ST6GAL1: variants seen among roughly 807,000 people sequenced by gnomAD.
ST6GAL1 encodes beta-galactoside alpha-2,6-sialyltransferase 1.
ST6GAL1 carries 20 observed loss-of-function variants against 38.0 expected under a neutral mutation model. The ratio of observed to expected loss-of-function variants is 0.53; its 90% confidence interval spans 0.37 to 0.77. ST6GAL1 has a LOEUF of 0.77. ST6GAL1 is among the 30% of genes least tolerant of loss of function. The pLI is 0.00. For missense variants in ST6GAL1, 432 were observed against 496.4 expected (o/e 0.87, Z 1.23); for synonymous variants, 196 against 188.2 (o/e 1.04, Z -0.34).
At chr3:186,980,493 C>CTCA (rs1432397893) in intron 2 of ST6GAL1, among the ~76,000 whole-genome samples, 1 of 151,600 alleles carries the variant, frequency 6.6e-6, no homozygotes, top group Non-Finnish European at 1.5e-5. Context: ...GGCGCGGTGG[C>CTCA]TCACGCCTGT....
chr3:187,050,146 T>C (rs1265015047), intron 4 of ST6GAL1, among the ~76,000 whole-genome samples: 1 of 152,206 alleles, frequency 6.6e-6, no homozygotes, highest in African/African-American at 2.4e-5. Context: ...TTCTAAATCA[T>C]CTTGTGTTCA....
At chr3:187,020,573 T>A (rs1717262879) in intron 2 of ST6GAL1, among the ~76,000 whole-genome samples, 1 of 152,206 alleles carries the variant, frequency 6.6e-6, no homozygotes, top group African/African-American at 2.4e-5. Context: ...CCCCTACACC[T>A]GTGTAAGGCG....
intron 1 of ST6GAL1, among the ~76,000 whole-genome samples, chr3:186,935,417 A>T (rs964029702): frequency 2.0e-4 from 30 of 151,932 alleles, no homozygotes; most frequent in African/African-American, 6.8e-4. Context: ...GCTACTGTTG[A>T]TGGGTATTTA....
chr3:187,024,382 C>T (rs1183699488), intron 2 of ST6GAL1, among the ~76,000 whole-genome samples: 1 of 150,806 alleles, frequency 6.6e-6, no homozygotes, highest in African/African-American at 2.4e-5. Context: ...CATGAGCCAC[C>T]GCGCCCAGCC....
At chr3:187,040,795 C>A (rs4234598) in intron 3 of ST6GAL1, among the ~76,000 whole-genome samples, 27,437 of 152,178 alleles carry the variant, frequency 0.18, 2,613 homozygotes, top group Admixed American at 0.28. Context: ...TATCTGAATT[C>A]TTCTTCCACT....
intron 5 of ST6GAL1, among the ~76,000 whole-genome samples, chr3:187,067,937 A>T (rs1414249150): frequency 6.6e-6 from 1 of 152,146 alleles, no homozygotes; most frequent in African/African-American, 2.4e-5. Flanking sequence ...CAAGAAGCAA[A>T]TTCTCCTGAC....
intron 2 of ST6GAL1, among the ~76,000 whole-genome samples, chr3:186,973,938 A>T (rs1715436987): frequency 6.6e-6 from 1 of 152,224 alleles, no homozygotes; most frequent in East Asian, 1.9e-4. Context: ...CTCCTGTAGC[A>T]TGTGAGCTAA....
intron 1 of ST6GAL1, among the ~76,000 whole-genome samples, chr3:186,944,444 C>T (rs1385181298): frequency 2.0e-5 from 3 of 152,098 alleles, no homozygotes; most frequent in African/African-American, 7.2e-5. Flanking sequence ...AAGATAATTC[C>T]TGGGTTAGAG....
chr3:187,050,540 G>GAGAGAGAGAGAT (rs1326320716), intron 4 of ST6GAL1, among the ~76,000 whole-genome samples: 15 of 94,752 alleles, frequency 1.6e-4, no homozygotes, highest in Non-Finnish European at 2.5e-4. Context: ...AAGAAAGAGA[G>GAGAGAGAGAGAT]AGAGAGAGAG....
At chr3:187,043,781 G>C (rs1718208651) in intron 4 of ST6GAL1, 1 of 152,570 alleles carries the variant, frequency 6.6e-6, no homozygotes. Flanking sequence ...ATTGACCTTT[G>C]AAAAGACTTG....
chr3:187,066,002 A>G (rs1326684486), intron 5 of ST6GAL1, among the ~76,000 whole-genome samples: 2 of 152,220 alleles, frequency 1.3e-5, no homozygotes, highest in East Asian at 1.9e-4. Context: ...CAGCACTTTA[A>G]ATCACCAAAG....
intron 1 of ST6GAL1, among the ~76,000 whole-genome samples, chr3:186,961,272 G>A (rs906582323): frequency 3.9e-5 from 6 of 152,154 alleles, no homozygotes; most frequent in African/African-American, 9.7e-5. Flanking sequence ...CACTGCGCCC[G>A]GCCCCATCAC....
chr3:187,057,295 C>T (rs1391126826), intron 5 of ST6GAL1, among the ~76,000 whole-genome samples: 1 of 152,168 alleles, frequency 6.6e-6, no homozygotes, highest in Non-Finnish European at 1.5e-5. Context: ...CCTTCTGAAG[C>T]CTACTTCTGT....
rs181248049 is a variant in ST6GAL1 at position 186,949,448 on chromosome 3, C to T, written c.-324-14337C>T. On this transcript the variant is annotated intron_variant, in intron 1 of 7. Transcript: ENST00000169298. ...TGAATCCCCAGAAGATGATTCCTGC[C>T]AGAGGGCTTGTGACGGCTCCTTTTT... Among the ~76,000 whole-genome samples the T allele has an allele frequency of 5.8e-4, 88 of 152,292 alleles. No homozygotes were observed. In the Middle Eastern group the frequency reaches 0.01, roughly 18 times the overall value.
intron 5 of ST6GAL1, among the ~76,000 whole-genome samples, chr3:187,064,142 AT>A (rs1719015420): frequency 6.6e-6 from 1 of 152,132 alleles, no homozygotes; most frequent in East Asian, 1.9e-4. Context: ...TTAAAGGATA[AT>A]TTTTAGGGAA....
intron 2 of ST6GAL1, among the ~76,000 whole-genome samples, chr3:187,037,971 C>T (rs4686451): frequency 0.46 from 69,592 of 151,178 alleles, 17,398 homozygotes; most frequent in African/African-American, 0.66. Flanking sequence ...CGTTTTATAA[C>T]GTATTTTTTC....
At chr3:187,012,673 C>T (rs543113386) in intron 2 of ST6GAL1, among the ~76,000 whole-genome samples, 2 of 152,358 alleles carry the variant, frequency 1.3e-5, no homozygotes, top group South Asian at 2.1e-4. Flanking sequence ...GCTGATCGGG[C>T]ACAGAGCCAT....
At chr3:187,049,391 C>T (rs1169359485) in intron 4 of ST6GAL1, among the ~76,000 whole-genome samples, 5 of 152,158 alleles carry the variant, frequency 3.3e-5, no homozygotes, top group Non-Finnish European at 7.3e-5. Context: ...GCCAGGAGGC[C>T]GTCCCAGTCT....
intron 2 of ST6GAL1, among the ~76,000 whole-genome samples, chr3:187,011,196 A>G (rs990411764): frequency 6.6e-6 from 1 of 152,122 alleles, no homozygotes; most frequent in African/African-American, 2.4e-5. Context: ...ATAGGGTTTC[A>G]CCATGTTGGC....
Sources: gnomAD v4.1 joint callset for allele counts (sites outside exome capture counted in the v4.1 genomes callset) on GRCh38, gnomAD v4.1.1 for gene constraint, MANE v1.5 for transcripts, NCBI Gene and HGNC (gene_info 2026-07-23, HGNC 2026-07-21) for gene names.